RBFOX2: variants seen among roughly 807,000 people sequenced by gnomAD.
RBFOX2 encodes RNA binding fox-1 homolog 2, also known as RNA binding protein fox-1 homolog 2.
RBFOX2 carries 10 observed loss-of-function variants against 49.1 expected under a neutral mutation model. The ratio of observed to expected loss-of-function variants is 0.20; its 90% CI spans 0.13 to 0.35. The LOEUF is 0.35. Ranked by LOEUF, RBFOX2 falls within the 10% of genes least tolerant of loss-of-function variation. The probability of loss-of-function intolerance (pLI) is 1.00; values close to 1 mark genes in which losing one functional copy is unlikely to be tolerated. For synonymous variants in RBFOX2, 183 were observed against 187.4 expected, an observed-to-expected ratio of 0.98 and a Z score of 0.19; for missense variants, 323 against 486.9, an observed-to-expected ratio of 0.66 and a Z score of 3.17.
chr22:35,829,622 T>C (rs1039162367), intron 1 of RBFOX2, among the ~76,000 whole-genome samples: 22 of 152,094 alleles, frequency 1.4e-4, no homozygotes, highest in African/African-American at 4.6e-4. Context: ...GAAAATGACA[T>C]AGAATGGCTG....
intron 1 of RBFOX2, among the ~76,000 whole-genome samples, chr22:35,913,999 G>A (rs2050125006): frequency 6.6e-6 from 1 of 152,158 alleles, no homozygotes; most frequent in Admixed American, 6.5e-5. Flanking sequence ...TAGTAGCGGG[G>A]CTGTGAAAGA....
chr22:35,891,931 G>A (rs757813438), intron 1 of RBFOX2, among the ~76,000 whole-genome samples: 3 of 151,578 alleles, frequency 2.0e-5, no homozygotes, highest in Non-Finnish European at 2.9e-5. Flanking sequence ...CCCGAGCCAC[G>A]AGTACTTAAC....
At chr22:35,860,821 G>A (rs2043016811) in intron 1 of RBFOX2, among the ~76,000 whole-genome samples, 1 of 152,162 alleles carries the variant, frequency 6.6e-6, no homozygotes, top group Admixed American at 6.5e-5. Flanking sequence ...TATCAACACA[G>A]TATATCTCTC....
intron 1 of RBFOX2, among the ~76,000 whole-genome samples, chr22:35,923,128 G>A (rs1298746977): frequency 6.6e-6 from 1 of 152,072 alleles, no homozygotes; most frequent in Non-Finnish European, 1.5e-5. Context: ...ATGTTTTTTG[G>A]CTAATACTTA....
intron 1 of RBFOX2, among the ~76,000 whole-genome samples, chr22:35,958,959 C>CTA (rs71810155): frequency 0.026 from 3,230 of 126,054 alleles, 69 homozygotes; most frequent in African/African-American, 0.071. Flanking sequence ...ATAGAGAAAA[C>CTA]TATATATATA....
chr22:35,930,985 T>C (rs1214642112), intron 1 of RBFOX2, among the ~76,000 whole-genome samples: 2 of 152,212 alleles, frequency 1.3e-5, no homozygotes, highest in Non-Finnish European at 2.9e-5. Context: ...AAACAGTCTT[T>C]CCTGGAGTGA....
intron 6 of RBFOX2, among the ~76,000 whole-genome samples, chr22:35,764,052 T>C (rs554352065): frequency 6.6e-6 from 1 of 152,310 alleles, no homozygotes; most frequent in South Asian, 2.1e-4. Flanking sequence ...GACTTGTTTT[T>C]GTAAGAGCAG....
intron 9 of RBFOX2, among the ~76,000 whole-genome samples, chr22:35,750,671 G>A (rs1934561658): frequency 6.6e-6 from 1 of 152,188 alleles, no homozygotes; most frequent in African/African-American, 2.4e-5. Flanking sequence ...TGTCCCCAGT[G>A]GGGCTGCCCA....
rs369098791 is a variant in RBFOX2 at position 35,765,417 on chromosome 22, T to G, written c.607+6A>C. 6.7e-7 allele frequency: 1 copy of G among 1,502,176 alleles called. No individual in the cohort carries two copies. The highest frequency in any genetic ancestry group is 9.2e-7 in the Non-Finnish European group (1 of 1,088,022). The allele number at this position is 1,502,176 out of a possible 1,614,324, so 93.1% of individuals were successfully genotyped here. On this transcript the variant is annotated splice_donor_region_variant and intron_variant, in intron 6 of 11. Transcript: ENST00000405409. ...AAACACTCTTTCGAAGATTATAATTTCTTACCATTTGCATATGGTGTGACC... is the reference window on the plus strand; with the variant it reads ...AAACACTCTTTCGAAGATTATAATTGCTTACCATTTGCATATGGTGTGACC...
rs1944296306 is a variant in RBFOX2 at position 35,777,818 on chromosome 22, T to TCTTACTTCTG, written c.453+206_453+207insCAGAAGTAAG. ...CCCTCAACCTTCTCTGCTTCTTACT[T>TCTTACTTCTG]CATCACCCTTCCACCCCCATATAAG... On this transcript the variant is annotated intron_variant, in intron 4 of 11. Coordinates refer to ENST00000405409, the Ensembl canonical transcript of RBFOX2. 4 of 564,514 alleles carry TCTTACTTCTG rather than the reference T, an allele frequency of 7.1e-6. No homozygotes were observed. In the South Asian group the frequency reaches 1.0e-4, roughly 14 times the overall value. The allele number at this position is 564,514 out of a possible 1,614,324, so 35.0% of individuals were successfully genotyped here.
upstream of RBFOX2, among the ~76,000 whole-genome samples, chr22:35,962,157 G>A (rs1296966772): frequency 6.6e-6 from 1 of 152,194 alleles, no homozygotes; most frequent in East Asian, 1.9e-4. Context: ...CACGCCTCAA[G>A]GCAGAAAAGT....
chr22:35,990,362 C>A (rs1470516448), intron 1 of RBFOX2, among the ~76,000 whole-genome samples: 1 of 151,768 alleles, frequency 6.6e-6, no homozygotes, highest in African/African-American at 2.4e-5. Context: ...AAGAGAAGGA[C>A]GACAAAGTCG....
intron 2 of RBFOX2, among the ~76,000 whole-genome samples, chr22:35,806,751 AAGAC>A (rs1293576583): frequency 8.5e-5 from 13 of 152,192 alleles, no homozygotes; most frequent in African/African-American, 2.7e-4. Context: ...CTCCAATAAA[AAGAC>A]AGAAATTTTC....
chr22:35,791,759 A>G (rs868729291), intron 2 of RBFOX2, among the ~76,000 whole-genome samples: 9 of 152,210 alleles, frequency 5.9e-5, no homozygotes, highest in Admixed American at 1.3e-4. Context: ...AAGAACAAAA[A>G]TATCAATCAC....
intron 1 of RBFOX2, among the ~76,000 whole-genome samples, chr22:35,874,395 A>G (rs1192979879): frequency 6.6e-6 from 1 of 152,242 alleles, no homozygotes; most frequent in East Asian, 1.9e-4. Flanking sequence ...TAAACTTACA[A>G]GTTGTCAAAA....
At chr22:35,847,744 G>A (rs750895631) in intron 1 of RBFOX2, among the ~76,000 whole-genome samples, 1 of 151,816 alleles carries the variant, frequency 6.6e-6, no homozygotes, top group Non-Finnish European at 1.5e-5. Flanking sequence ...ATTTCTAAAC[G>A]ACGTTAATTT....
intron 1 of RBFOX2, among the ~76,000 whole-genome samples, chr22:35,867,843 C>A (rs2043867436): frequency 6.6e-6 from 1 of 152,254 alleles, no homozygotes; most frequent in Non-Finnish European, 1.5e-5. Context: ...GACTATCAAA[C>A]AAAAGACATA....
chr22:35,810,723 T>C (rs1951713738), intron 1 of RBFOX2, among the ~76,000 whole-genome samples: 1 of 152,222 alleles, frequency 6.6e-6, no homozygotes, highest in Non-Finnish European at 1.5e-5. Flanking sequence ...AACTGTCATA[T>C]GATAAACAGC....
At chr22:35,824,789 C>T (rs1268908277) in intron 1 of RBFOX2, among the ~76,000 whole-genome samples, 2 of 152,154 alleles carry the variant, frequency 1.3e-5, no homozygotes, top group Non-Finnish European at 1.5e-5. Context: ...CAAGTCAATG[C>T]TAAACCAACA....
Sources: allele counts gnomAD v4.1 joint callset (sites outside exome capture counted in the v4.1 genomes callset), GRCh38; gene constraint gnomAD v4.1.1; transcripts MANE v1.5; gene names NCBI Gene and HGNC (gene_info 2026-07-23, HGNC 2026-07-21).